The following SOCS2 variants were observed in gnomAD, a reference collection of about 807,000 sequenced individuals.
SOCS2 encodes CIS-2.
In SOCS2, 10 loss-of-function variants were observed where a neutral mutation model predicts 18.6. That is an observed-to-expected ratio of 0.54 (90% CI 0.33 to 0.91). SOCS2 has a LOEUF of 0.91. Ranked by LOEUF, SOCS2 falls within the 40% of genes least tolerant of loss-of-function variation. The pLI is 0.02. For synonymous variants in SOCS2, 104 were observed against 104.0 expected (o/e 1.00, Z 0.00); for missense variants, 231 against 247.2 (o/e 0.93, Z 0.44).
At chr12:93,598,721 T>C in the SOCS2 span, among the ~76,000 whole-genome samples, 7 of 152,056 alleles carry the variant, frequency 4.6e-5, no homozygotes, top group Non-Finnish European at 8.8e-5. Context: ...ATTTTCTTTA[T>C]CTATTAATTT....
chr12:93,574,865 C>A lies in SOCS2; in HGVS notation c.283C>A (p.Leu95Ile), dbSNP rs1327876055. The change falls in exon 2 of 2, where the codon CTT (leucine) becomes ATT (isoleucine). Residue 95 changes from leucine to isoleucine, a missense_variant. Coordinates refer to ENST00000551556, the MANE Select transcript of SOCS2 (RefSeq NM_001270471.2). ...SVKTSAGPTN[L>I]RIEYQDGKFR... ...TAAAACATCAGCTGGACCAACTAAT[C>A]TTCGAATCGAATACCAAGACGGAAA... 2 of 1,614,082 alleles carry A rather than the reference C, an allele frequency of 1.2e-6. No individual in the cohort carries two copies. Among genetic ancestry groups the A allele is most frequent in the Admixed American group, 1.7e-5 (1 of 60,010 alleles).
chr12:93,604,165 T>C, the SOCS2 span, among the ~76,000 whole-genome samples: 1 of 151,814 alleles, frequency 6.6e-6, no homozygotes, highest in Non-Finnish European at 1.5e-5. Flanking sequence ...GCTCCTACTC[T>C]TCTGCACTCA....
At chr12:93,574,616 T>A (rs1484118285) in intron 1 of SOCS2, 106 bp from the exon 2 acceptor site, 3 of 741,420 alleles carry the variant, frequency 4.0e-6, no homozygotes, top group Non-Finnish European at 6.0e-6. Context: ...TTTTTTTTTC[T>A]TTTTTAGAGC....
At chr12:93,573,427 A>T in intron 1 of SOCS2, 1 of 402,722 alleles carries the variant, frequency 2.5e-6, no homozygotes, top group Non-Finnish European at 4.4e-6. Flanking sequence ...GCCCAGCAGC[A>T]TCTGGCTCCC....
At chr12:93,624,859 A>G in the SOCS2 span, among the ~76,000 whole-genome samples, 1 of 152,204 alleles carries the variant, frequency 6.6e-6, no homozygotes, top group African/African-American at 2.4e-5. Flanking sequence ...ACCCTAAAAC[A>G]AGACCTAACA....
chr12:93,602,623 T>C, the SOCS2 span, among the ~76,000 whole-genome samples: 2 of 152,148 alleles, frequency 1.3e-5, no homozygotes, highest in East Asian at 3.9e-4. Flanking sequence ...TTGAGTCCAC[T>C]TCACCAGGCC....
chr12:93,589,427 C>G, the SOCS2 span, among the ~76,000 whole-genome samples: 1 of 152,090 alleles, frequency 6.6e-6, no homozygotes, highest in Non-Finnish European at 1.5e-5. Context: ...TAAAAAAATC[C>G]ATATGCTTGG....
At chr12:93,592,842 G>A in the SOCS2 span, among the ~76,000 whole-genome samples, 3 of 151,656 alleles carry the variant, frequency 2.0e-5, no homozygotes, top group African/African-American at 7.3e-5. Flanking sequence ...CTATGGGACA[G>A]GCACATGGCT....
At chr12:93,605,519 G>A in the SOCS2 span, among the ~76,000 whole-genome samples, 2 of 152,172 alleles carry the variant, frequency 1.3e-5, no homozygotes, top group South Asian at 4.1e-4. Flanking sequence ...GATCCCTGGA[G>A]ATTTTCAGTG....
chr12:93,588,062 AGATGTCTGG>A (rs1954595434), downstream of SOCS2, among the ~76,000 whole-genome samples: 1 of 152,238 alleles, frequency 6.6e-6, no homozygotes, highest in African/African-American at 2.4e-5. Context: ...CCCATGGATA[AGATGTCTGG>A]GATCTGTGAA....
chr12:93,578,718 A>T (rs894678835), downstream of SOCS2, among the ~76,000 whole-genome samples: 1 of 151,450 alleles, frequency 6.6e-6, no homozygotes, highest in African/African-American at 2.4e-5. Flanking sequence ...ACACAGGCAC[A>T]CAACCCAGCC....
the SOCS2 span, among the ~76,000 whole-genome samples, chr12:93,598,034 T>G: frequency 6.6e-6 from 1 of 152,238 alleles, no homozygotes; most frequent in African/African-American, 2.4e-5. Flanking sequence ...TCTAAATATG[T>G]AAACATTTGA....
rs1298809666 is a variant in SOCS2 at position 93,576,433 on chromosome 12, A to G, written c.*1254A>G. 1.3e-5 allele frequency: 2 copies of G among 152,250 alleles called. No homozygotes were observed. Among genetic ancestry groups the G allele is most frequent in the Non-Finnish European group, 2.9e-5 (2 of 68,046 alleles). 9.4% of individuals were successfully genotyped at this position (152,250 alleles called of 1,614,324 possible). A position where few individuals can be genotyped will look rare whatever the true frequency, so the allele number is the denominator to read the frequency against. On this transcript the variant is annotated 3_prime_UTR_variant, in exon 2 of 2. Transcript: ENST00000551556. ...GGTCTTTTATAATTTGAATAGGCAT[A>G]ACACTGATGTCCTCTGTGTTTCCAA...
At chr12:93,591,828 G>A in the SOCS2 span, among the ~76,000 whole-genome samples, 1 of 152,158 alleles carries the variant, frequency 6.6e-6, no homozygotes, top group Non-Finnish European at 1.5e-5. Flanking sequence ...CAATGTTTTT[G>A]CCGCATATCT....
At chr12:93,593,061 C>T in the SOCS2 span, among the ~76,000 whole-genome samples, 1 of 151,916 alleles carries the variant, frequency 6.6e-6, no homozygotes, top group African/African-American at 2.4e-5. Context: ...CCTGCCTTCT[C>T]TCTCCCCTTT....
At chr12:93,587,698 A>T (rs1319872680), downstream of SOCS2, among the ~76,000 whole-genome samples, 1 of 151,682 alleles carries the variant, frequency 6.6e-6, no homozygotes, top group Non-Finnish European at 1.5e-5. Context: ...AAAAAAAAAA[A>T]AGTTTGGCTA....
chr12:93,595,093 A>T, the SOCS2 span, among the ~76,000 whole-genome samples: 1 of 152,178 alleles, frequency 6.6e-6, no homozygotes, highest in African/African-American at 2.4e-5. Flanking sequence ...TCTTTTTGTC[A>T]TAAGTATTGC....
the SOCS2 span, among the ~76,000 whole-genome samples, chr12:93,606,924 C>A: frequency 0.065 from 9,872 of 152,234 alleles, 821 homozygotes; most frequent in African/African-American, 0.2. Flanking sequence ...AAATGCTGAC[C>A]TTACAGGCGT....
upstream of SOCS2, chr12:93,571,167 G>T (rs186142469): frequency 1.5e-3 from 230 of 153,602 alleles, no homozygotes; most frequent in African/African-American, 5.3e-3. Context: ...GGGGTCCCGG[G>T]TGCACAGCCT....
Sources: allele counts gnomAD v4.1 joint callset (sites outside exome capture counted in the v4.1 genomes callset), GRCh38; gene constraint gnomAD v4.1.1; transcripts MANE v1.5; gene names NCBI Gene and HGNC (gene_info 2026-07-23, HGNC 2026-07-21).